The following RALGAPA2 variants were observed in gnomAD, a reference collection of about 807,000 sequenced individuals.
RALGAPA2 encodes the protein ral GTPase-activating protein subunit alpha-2.
In RALGAPA2, 139 loss-of-function variants were observed where a neutral mutation model predicts 230.4. The observed-to-expected ratio is 0.60, with a 90% confidence interval of 0.53 to 0.69. The LOEUF (loss-of-function observed/expected upper bound fraction) is 0.69, where lower values mean the gene tolerates loss of function less well. RALGAPA2 is among the 30% of genes least tolerant of loss of function. RALGAPA2 has a pLI of 0.00. For missense variants in RALGAPA2, 2,163 were observed against 2,276.0 expected, an observed-to-expected ratio of 0.95 and a Z score of 1.01; for synonymous variants, 847 against 837.8, an observed-to-expected ratio of 1.01 and a Z score of -0.19.
chr20:20,582,308 T>A (rs1307861602), intron 20 of RALGAPA2, among the ~76,000 whole-genome samples: 1 of 152,036 alleles, frequency 6.6e-6, no homozygotes, highest in Admixed American at 6.6e-5. Context: ...GTACGGGCTA[T>A]TATCCCAAAT....
intron 14 of RALGAPA2, among the ~76,000 whole-genome samples, chr20:20,610,597 C>G (rs1337242481): frequency 3.9e-5 from 6 of 152,174 alleles, no homozygotes; most frequent in Non-Finnish European, 7.3e-5. Flanking sequence ...TTTAGTACCA[C>G]CCACCTTAAA....
chr20:20,643,968 A>C (rs1353659543), intron 4 of RALGAPA2, among the ~76,000 whole-genome samples: 2 of 152,118 alleles, frequency 1.3e-5, no homozygotes, highest in African/African-American at 4.8e-5. Flanking sequence ...AACCACATTT[A>C]TGGGGTTTGG....
intron 23 of RALGAPA2, among the ~76,000 whole-genome samples, chr20:20,551,335 A>C (rs2063918731): frequency 6.6e-6 from 1 of 152,254 alleles, no homozygotes; most frequent in Non-Finnish European, 1.5e-5. Context: ...ACGTAGACAA[A>C]GATCTTTCAC....
intron 9 of RALGAPA2, among the ~76,000 whole-genome samples, chr20:20,632,008 G>C (rs929327408): frequency 6.6e-6 from 1 of 151,532 alleles, no homozygotes; most frequent in Non-Finnish European, 1.5e-5. Flanking sequence ...GACATCTCCT[G>C]GCCCATTCAC....
At chr20:20,662,343 A>C (rs2067810486) in intron 3 of RALGAPA2, among the ~76,000 whole-genome samples, 1 of 152,210 alleles carries the variant, frequency 6.6e-6, no homozygotes. Context: ...GGATTTTAAC[A>C]CTCGAGTTAA....
chr20:20,616,006 C>G (rs1452990773), intron 13 of RALGAPA2, 37 bp downstream of exon 13: 1 of 1,341,444 alleles, frequency 7.5e-7, no homozygotes, highest in Non-Finnish European at 9.9e-7. Context: ...ACAGAAACAT[C>G]TGTTTTACAA....
chr20:20,657,235 C>A (rs1191233899), intron 3 of RALGAPA2, among the ~76,000 whole-genome samples: 1 of 152,186 alleles, frequency 6.6e-6, no homozygotes, highest in Non-Finnish European at 1.5e-5. Context: ...CTCTGCCAGC[C>A]TAGCGGAAGC....
chr20:20,541,776 T>TG (rs1658822596), intron 24 of RALGAPA2, among the ~76,000 whole-genome samples: 2 of 152,214 alleles, frequency 1.3e-5, no homozygotes, highest in African/African-American at 4.8e-5. Flanking sequence ...ACTGTATATC[T>TG]GTAAGGCTAC....
At chr20:20,598,746 G>T (rs1184152751) in intron 16 of RALGAPA2, 1 of 456,370 alleles carries the variant, frequency 2.2e-6, no homozygotes. Context: ...TGTGAAGGAG[G>T]AGCGGGACGC....
At chr20:20,620,671 C>T in intron 10 of RALGAPA2, 41 bp from the exon 11 acceptor site, 1 of 1,538,924 alleles carries the variant, frequency 6.5e-7, no homozygotes, top group South Asian at 1.2e-5. Flanking sequence ...TACAAACACA[C>T]TCAGATCAGT....
chr20:20,494,762 T>C (rs1204788325), intron 36 of RALGAPA2, among the ~76,000 whole-genome samples: 3 of 152,240 alleles, frequency 2.0e-5, no homozygotes, highest in African/African-American at 4.8e-5. Flanking sequence ...AGATGTGATA[T>C]GGGGTTCCTT....
intron 14 of RALGAPA2, among the ~76,000 whole-genome samples, chr20:20,606,146 C>T (rs62202181): frequency 0.026 from 3,932 of 152,300 alleles, 55 homozygotes; most frequent in Middle Eastern, 0.041. Context: ...CGTCTAGCTA[C>T]AGCCCTTTTC....
intron 36 of RALGAPA2, among the ~76,000 whole-genome samples, chr20:20,489,830 C>T (rs1354803773): frequency 6.6e-6 from 1 of 152,152 alleles, no homozygotes; most frequent in Non-Finnish European, 1.5e-5. Flanking sequence ...GCCAAAAGGC[C>T]CTTCCTACTG....
chr20:20,675,534 C>A (rs182015744), intron 3 of RALGAPA2, among the ~76,000 whole-genome samples: 1 of 152,194 alleles, frequency 6.6e-6, no homozygotes, highest in East Asian at 1.9e-4. Context: ...TCTAAAAAAC[C>A]AACAATTAAC....
chr20:20,582,952 A>G (rs1373204027), intron 20 of RALGAPA2, 98 bp downstream of exon 20: 10 of 1,316,950 alleles, frequency 7.6e-6, no homozygotes, highest in African/African-American at 1.5e-5. Context: ...ACTTCCTCCT[A>G]CAACTGTTTC....
intron 2 of RALGAPA2, among the ~76,000 whole-genome samples, chr20:20,680,129 A>G (rs2068467822): frequency 6.6e-6 from 1 of 152,244 alleles, no homozygotes; most frequent in African/African-American, 2.4e-5. Flanking sequence ...GGGTGGGGCC[A>G]GGTTCCCAAC....
chr20:20,531,090 G>A (rs142115902), intron 27 of RALGAPA2, among the ~76,000 whole-genome samples: 14 of 152,172 alleles, frequency 9.2e-5, no homozygotes, highest in African/African-American at 2.9e-4. Flanking sequence ...GTGTGGCCTC[G>A]GGCTTGTGAC....
intron 35 of RALGAPA2, among the ~76,000 whole-genome samples, chr20:20,499,615 T>G (rs2062313337): frequency 6.6e-6 from 1 of 152,166 alleles, no homozygotes; most frequent in Non-Finnish European, 1.5e-5. Flanking sequence ...AACCCAACAC[T>G]GAGGCAGCTC....
At chr20:20,669,626 T>C (rs1484863877) in intron 3 of RALGAPA2, among the ~76,000 whole-genome samples, 1 of 152,176 alleles carries the variant, frequency 6.6e-6, no homozygotes, top group Non-Finnish European at 1.5e-5. Context: ...GCCTTGCCCA[T>C]TCCTTCCTGC....
Sources: gnomAD v4.1 joint callset for allele counts (sites outside exome capture counted in the v4.1 genomes callset) on GRCh38, gnomAD v4.1.1 for gene constraint, MANE v1.5 for transcripts, NCBI Gene and HGNC (gene_info 2026-07-23, HGNC 2026-07-21) for gene names.